Variants in SEM1 observed in about 807,000 individuals in gnomAD.
SEM1 encodes the protein SEM1 26S proteasome subunit, also known as 26S proteasome complex subunit SEM1.
SEM1 carries 3 observed loss-of-function variants against 12.7 expected under a neutral mutation model. The observed-to-expected ratio is 0.24, with a 90% CI of 0.11 to 0.61. SEM1 has a LOEUF of 0.61. Ranked by LOEUF, SEM1 falls within the 20% of genes least tolerant of loss-of-function variation. The probability of loss-of-function intolerance (pLI) is 0.88; values close to 1 mark genes in which losing one functional copy is unlikely to be tolerated. For missense variants in SEM1, 59 were observed against 81.3 expected (o/e 0.73, Z 1.06); for synonymous variants, 30 against 27.8 (o/e 1.08, Z -0.25).
chr7:96,586,066 TG>T (rs1322404657), intron 2 of SEM1, among the ~76,000 whole-genome samples: 2 of 152,218 alleles, frequency 1.3e-5, no homozygotes, highest in African/African-American at 4.8e-5. Flanking sequence ...CTTGAACTCC[TG>T]GGCTCAAGTG....
intron 2 of SEM1, among the ~76,000 whole-genome samples, chr7:96,588,430 A>G (rs1223642701): frequency 2.6e-5 from 4 of 151,770 alleles, no homozygotes; most frequent in Non-Finnish European, 5.9e-5. Flanking sequence ...AGAAAGGTAT[A>G]TCATTTTGGG....
chr7:96,571,777 A>G (rs1342012179), intron 2 of SEM1, among the ~76,000 whole-genome samples: 1 of 151,894 alleles, frequency 6.6e-6, no homozygotes, highest in Non-Finnish European at 1.5e-5. Flanking sequence ...TGTCTGTGCC[A>G]GGTTTTGGTA....
intron 2 of SEM1, among the ~76,000 whole-genome samples, chr7:96,665,747 A>G (rs2116550075): frequency 6.6e-6 from 1 of 152,304 alleles, no homozygotes; most frequent in South Asian, 2.1e-4. Flanking sequence ...ATTCTGAATA[A>G]ATTGATCTGG....
chr7:96,576,617 A>C (rs1806211045), intron 2 of SEM1, among the ~76,000 whole-genome samples: 1 of 152,120 alleles, frequency 6.6e-6, no homozygotes, highest in African/African-American at 2.4e-5. Context: ...TCTACTATGA[A>C]CAATAAATAC....
chr7:96,496,327 G>C (rs1370026223), exon 1 of SEM1: 18 of 1,495,656 alleles, frequency 1.2e-5, no homozygotes, highest in African/African-American at 1.4e-5. Context: ...AGCATCATCT[G>C]ATGTATTTGT....
intron 2 of SEM1, chr7:96,664,070 T>A (rs1789094305): frequency 6.6e-6 from 1 of 152,168 alleles, no homozygotes; most frequent in African/African-American, 2.4e-5. Context: ...TGTCATTAGC[T>A]CACAAAGCTG....
chr7:96,702,216 T>C (rs895596912), intron 1 of SEM1, among the ~76,000 whole-genome samples: 2 of 152,050 alleles, frequency 1.3e-5, no homozygotes, highest in Non-Finnish European at 2.9e-5. Context: ...TGAACTGCAA[T>C]TGGAGACATC....
intron 2 of SEM1, among the ~76,000 whole-genome samples, chr7:96,552,527 A>T (rs62471379): frequency 0.71 from 102,851 of 145,702 alleles, 37,472 homozygotes; most frequent in Non-Finnish European, 0.8. Flanking sequence ...AACTCATCAT[A>T]TTTTATGGCT....
chr7:96,548,474 T>C (rs544209096), intron 2 of SEM1, among the ~76,000 whole-genome samples: 2 of 152,280 alleles, frequency 1.3e-5, no homozygotes, highest in East Asian at 3.9e-4. Context: ...GAATCTGTAT[T>C]TTAACAAAAT....
intron 2 of SEM1, chr7:96,558,068 C>G (rs535532632): frequency 1.1e-4 from 17 of 153,946 alleles, no homozygotes; most frequent in African/African-American, 4.1e-4. Flanking sequence ...CGCACACCCA[C>G]TGACCTGCGC....
chr7:96,629,231 A>G (rs1436824774), intron 2 of SEM1, among the ~76,000 whole-genome samples: 2 of 151,858 alleles, frequency 1.3e-5, no homozygotes, highest in East Asian at 3.9e-4. Flanking sequence ...TAAACTTTCT[A>G]CCCGTCTTTT....
At chr7:96,665,582 A>G (rs761020224) in intron 2 of SEM1, among the ~76,000 whole-genome samples, 4 of 152,346 alleles carry the variant, frequency 2.6e-5, no homozygotes, top group South Asian at 2.1e-4. Context: ...AATTTCACCA[A>G]TTCTTTGCTG....
chr7:96,538,236 G>A (rs1804848372), intron 2 of SEM1, among the ~76,000 whole-genome samples: 1 of 151,722 alleles, frequency 6.6e-6, no homozygotes, highest in Admixed American at 6.6e-5. Flanking sequence ...AACATATTAA[G>A]CATAGCTATT....
intron 2 of SEM1, among the ~76,000 whole-genome samples, chr7:96,690,132 C>G (rs1427273324): frequency 6.6e-6 from 1 of 152,102 alleles, no homozygotes; most frequent in Non-Finnish European, 1.5e-5. Flanking sequence ...TGGTAACTGT[C>G]TTTGAATTTT....
intron 1 of SEM1, among the ~76,000 whole-genome samples, chr7:96,490,335 TAG>T (rs1442977194): frequency 6.6e-6 from 1 of 152,206 alleles, no homozygotes; most frequent in Non-Finnish European, 1.5e-5. Context: ...TATTTCTTTG[TAG>T]AAAGACTTGT....
At chr7:96,600,276 A>G (rs933048044) in intron 2 of SEM1, among the ~76,000 whole-genome samples, 1 of 152,198 alleles carries the variant, frequency 6.6e-6, no homozygotes, top group South Asian at 2.1e-4. Context: ...AGAATTTTAA[A>G]GAATGTTTTG....
chr7:96,592,156 G>A (rs1282734695), intron 2 of SEM1, among the ~76,000 whole-genome samples: 1 of 151,816 alleles, frequency 6.6e-6, no homozygotes, highest in Non-Finnish European at 1.5e-5. Context: ...TCCACAGATG[G>A]GATGACTGGC....
At chr7:96,508,621 T>C (rs1803830201) in intron 2 of SEM1, among the ~76,000 whole-genome samples, 1 of 152,148 alleles carries the variant, frequency 6.6e-6, no homozygotes, top group Admixed American at 6.6e-5. Flanking sequence ...TGCATCTTGA[T>C]CTTATCATGT....
chr7:96,628,453 A>G (rs1222323028), intron 2 of SEM1, among the ~76,000 whole-genome samples: 1 of 152,088 alleles, frequency 6.6e-6, no homozygotes, highest in Non-Finnish European at 1.5e-5. Flanking sequence ...ATAGTATTTT[A>G]TAACCCATTA....
Sources: allele counts gnomAD v4.1 joint callset (sites outside exome capture counted in the v4.1 genomes callset), GRCh38; gene constraint gnomAD v4.1.1; transcripts MANE v1.5; gene names NCBI Gene and HGNC (gene_info 2026-07-23, HGNC 2026-07-21).